RASSF3: variants seen among roughly 807,000 people sequenced by gnomAD.
RASSF3 encodes the protein Ras association domain family member 3, also known as ras association domain-containing protein 3.
RASSF3 carries 19 observed loss-of-function variants against 19.9 expected under a neutral mutation model. The observed-to-expected ratio is 0.96, with a 90% CI of 0.67 to 1.40. The LOEUF is 1.40. Ranked by LOEUF, RASSF3 falls within the 40% of genes most tolerant of loss-of-function variation. The pLI, the probability that RASSF3 is intolerant of heterozygous loss-of-function variation, is 0.00. For synonymous variants in RASSF3, 110 were observed against 104.2 expected (o/e 1.06, Z -0.34); for missense variants, 306 against 289.8 (o/e 1.06, Z -0.41).
chr12:64,538,483 G>T (rs1398148195), intron 1 of RASSF3, among the ~76,000 whole-genome samples: 1 of 152,054 alleles, frequency 6.6e-6, no homozygotes, highest in Non-Finnish European at 1.5e-5. Flanking sequence ...TAGTTTTTAG[G>T]CATCTTTCAA....
At chr12:64,578,490 CAA>C (rs976460940) in intron 2 of RASSF3, among the ~76,000 whole-genome samples, 15 of 151,888 alleles carry the variant, frequency 9.9e-5, no homozygotes, top group African/African-American at 3.6e-4. Flanking sequence ...CCTGTCTCTA[CAA>C]AAAATGAAAA....
chr12:64,687,191 G>A (rs1398472041), intron 2 of RASSF3, among the ~76,000 whole-genome samples: 5 of 151,808 alleles, frequency 3.3e-5, no homozygotes, highest in Non-Finnish European at 5.9e-5. Flanking sequence ...TAGTAGAGAC[G>A]GGATTTCACC....
chr12:64,653,614 G>T (rs1483378840), intron 1 of RASSF3, among the ~76,000 whole-genome samples: 1 of 151,672 alleles, frequency 6.6e-6, no homozygotes, highest in Non-Finnish European at 1.5e-5. Context: ...ACCCAGGCTG[G>T]AGTGCATTGG....
At chr12:64,512,365 C>T (rs2136098267) in intron 1 of RASSF3, among the ~76,000 whole-genome samples, 1 of 152,150 alleles carries the variant, frequency 6.6e-6, no homozygotes, top group African/African-American at 2.4e-5. Flanking sequence ...TGCCTTTAGT[C>T]CTAACTACCC....
chr12:64,530,208 T>G (rs146846748), upstream of RASSF3, among the ~76,000 whole-genome samples: 4,195 of 152,306 alleles, frequency 0.028, 111 homozygotes, highest in Middle Eastern at 0.11. Flanking sequence ...ATAATATATA[T>G]TCTTTTTTGT....
chr12:64,601,459 G>A lies in RASSF3; in HGVS notation c.294+59754G>A, dbSNP rs957978503. On this transcript the variant is annotated intron_variant, in intron 2 of 5. Transcript: ENST00000637125. The stretch of plus-strand genomic sequence containing the variant: ...TGCTCTAACGCCATCATCTATGGAT[G>A]AAGATCCTCATAGTATTAAAATGTA... 3.3e-5 allele frequency among the ~76,000 whole-genome samples: 5 copies of A among 152,296 alleles called. No homozygotes were observed. In the Middle Eastern group the frequency reaches 0.01, roughly 311 times the overall value.
At chr12:64,643,089 A>G (rs556740996) in intron 1 of RASSF3, among the ~76,000 whole-genome samples, 3 of 151,856 alleles carry the variant, frequency 2.0e-5, no homozygotes, top group Non-Finnish European at 4.4e-5. Flanking sequence ...TCCTGAGCTC[A>G]GGTGATTCCG....
intron 1 of RASSF3, among the ~76,000 whole-genome samples, chr12:64,677,528 G>A (rs986274457): frequency 2.0e-5 from 3 of 152,188 alleles, no homozygotes; most frequent in African/African-American, 7.2e-5. Flanking sequence ...TTCCGCCTCA[G>A]CTTCCCAAAG....
At chr12:64,584,718 GT>G (rs1869764023) in intron 2 of RASSF3, among the ~76,000 whole-genome samples, 1 of 152,038 alleles carries the variant, frequency 6.6e-6, no homozygotes, top group African/African-American at 2.4e-5. Flanking sequence ...GTGAGGAGTG[GT>G]TAGGGAGAGG....
At chr12:64,520,314 C>T (rs148187146) in intron 1 of RASSF3, among the ~76,000 whole-genome samples, 5,426 of 151,820 alleles carry the variant, frequency 0.036, 129 homozygotes, top group Non-Finnish European at 0.055. Flanking sequence ...AGGCACATGC[C>T]GCCATGCCCG....
At chr12:64,637,318 T>C (rs879460106) in intron 1 of RASSF3, among the ~76,000 whole-genome samples, 3 of 152,214 alleles carry the variant, frequency 2.0e-5, no homozygotes, top group Non-Finnish European at 2.9e-5. Flanking sequence ...AGAAAAAGCA[T>C]TGGTGTGTGT....
chr12:64,556,757 G>A (rs536658774), intron 2 of RASSF3, among the ~76,000 whole-genome samples: 1 of 152,100 alleles, frequency 6.6e-6, no homozygotes, highest in East Asian at 1.9e-4. Context: ...CTTCCCGAGG[G>A]GAAAGCCCTA....
chr12:64,562,812 G>A (rs1258599351), intron 2 of RASSF3, among the ~76,000 whole-genome samples: 1 of 151,986 alleles, frequency 6.6e-6, no homozygotes, highest in Non-Finnish European at 1.5e-5. Flanking sequence ...ATATTTTGTA[G>A]AGACAGGGTC....
intron 1 of RASSF3, among the ~76,000 whole-genome samples, chr12:64,672,041 C>T (rs768098111): frequency 1.3e-4 from 20 of 152,014 alleles, no homozygotes; most frequent in Non-Finnish European, 2.6e-4. Context: ...TTACATTTGT[C>T]TATTTTTATT....
At chr12:64,553,458 A>G (rs1004508668) in intron 2 of RASSF3, among the ~76,000 whole-genome samples, 2 of 152,138 alleles carry the variant, frequency 1.3e-5, no homozygotes, top group African/African-American at 4.8e-5. Context: ...TTACAAGAAG[A>G]TAGATGCTTC....
At chr12:64,519,573 T>G (rs1868425321) in intron 1 of RASSF3, among the ~76,000 whole-genome samples, 1 of 152,090 alleles carries the variant, frequency 6.6e-6, no homozygotes, top group Admixed American at 6.5e-5. Flanking sequence ...TTGACCCAAC[T>G]GGAAATCTGT....
intron 1 of RASSF3, among the ~76,000 whole-genome samples, chr12:64,653,150 C>G (rs1345288325): frequency 6.6e-6 from 1 of 152,180 alleles, no homozygotes; most frequent in African/African-American, 2.4e-5. Flanking sequence ...ATCGTTGCAG[C>G]CTTGATCTTC....
At chr12:64,641,414 A>ACACACACACACACGCGCGCGCGCGCG in intron 1 of RASSF3, among the ~76,000 whole-genome samples, 48 of 142,182 alleles carry the variant, frequency 3.4e-4, no homozygotes, top group African/African-American at 1.3e-3. Context: ...ACACACACAC[A>ACACACACACACACGCGCGCGCGCGCG]CGCGCGCGCG....
At chr12:64,661,528 A>T (rs11175509) in intron 1 of RASSF3, among the ~76,000 whole-genome samples, 18,039 of 151,970 alleles carry the variant, frequency 0.12, 1,214 homozygotes, top group East Asian at 0.29. Context: ...TGTGATGCTC[A>T]CACAACCCTG....
Sources: allele counts gnomAD v4.1 joint callset (sites outside exome capture counted in the v4.1 genomes callset), GRCh38; gene constraint gnomAD v4.1.1; transcripts MANE v1.5; gene names NCBI Gene and HGNC (gene_info 2026-07-23, HGNC 2026-07-21).